ITCH: variants seen among roughly 807,000 people sequenced by gnomAD.
The protein encoded by ITCH is E3 ubiquitin-protein ligase Itchy homolog.
ITCH carries 28 observed loss-of-function variants against 126.8 expected under a neutral mutation model. The ratio of observed to expected loss-of-function variants is 0.22; its 90% CI spans 0.16 to 0.30. ITCH has a LOEUF of 0.30. Ranked by LOEUF, ITCH falls within the 10% of genes least tolerant of loss-of-function variation. The probability of loss-of-function intolerance (pLI) is 1.00; values close to 1 mark genes in which losing one functional copy is unlikely to be tolerated. For missense variants in ITCH, 631 were observed against 1,032.4 expected, an observed-to-expected ratio of 0.61 and a Z score of 5.33; for synonymous variants, 342 against 340.0, an observed-to-expected ratio of 1.01 and a Z score of -0.06.
Position 34,376,217 on chromosome 20 carries a change from C to T in ITCH, c.-22+6747C>T, listed in dbSNP as rs556954492. Among the ~76,000 whole-genome samples, 21 of 151,998 alleles carry T rather than the reference C, an allele frequency of 1.4e-4. No individual in the cohort carries two copies. The South Asian group carries it at 1.7e-3, about 12-fold the overall frequency. On this transcript the variant is annotated intron_variant, in intron 2 of 24. Transcript: ENST00000374864. ...CCTCTGAGAAGAAAGTTCTTACCCA[C>T]GTAAAGATTTAACCAGCCTCGGCAG... is the stretch of plus-strand genomic sequence containing the variant.
At chr20:34,443,827 GAA>G (rs1359765864) in intron 10 of ITCH, among the ~76,000 whole-genome samples, 1 of 151,896 alleles carries the variant, frequency 6.6e-6, no homozygotes, top group East Asian at 1.9e-4. Flanking sequence ...ACTATAGAAA[GAA>G]AAAGAAATTA....
chr20:34,423,150 C>A (rs145748471), intron 6 of ITCH, among the ~76,000 whole-genome samples: 4 of 152,280 alleles, frequency 2.6e-5, no homozygotes. Flanking sequence ...TAAATGGAAT[C>A]ATAAAATATC....
intron 2 of ITCH, chr20:34,384,412 C>G (rs1363271782): frequency 6.6e-6 from 1 of 151,362 alleles, no homozygotes; most frequent in Non-Finnish European, 1.5e-5. Flanking sequence ...TCCTGAGTAA[C>G]TGGGATTACA....
chr20:34,391,175 G>A (rs1042555559), intron 2 of ITCH, among the ~76,000 whole-genome samples: 2 of 152,130 alleles, frequency 1.3e-5, no homozygotes, highest in Non-Finnish European at 2.9e-5. Flanking sequence ...GTTTTATGCT[G>A]TTTTTAAAAT....
chr20:34,453,997 T>C (rs1051693469), intron 12 of ITCH, among the ~76,000 whole-genome samples: 5 of 151,628 alleles, frequency 3.3e-5, no homozygotes, highest in Non-Finnish European at 5.9e-5. Context: ...AGGCTCCGTC[T>C]CAAAAAAGAA....
At chr20:34,408,906 T>A in intron 4 of ITCH, 114 bp downstream of exon 4, 1 of 1,058,400 alleles carries the variant, frequency 9.4e-7, no homozygotes, top group Non-Finnish European at 1.4e-6. Flanking sequence ...CTCCTTTCTC[T>A]CTTCTTTTTT....
chr20:34,458,765 T>C (rs1447264074), intron 13 of ITCH, among the ~76,000 whole-genome samples: 1 of 152,204 alleles, frequency 6.6e-6, no homozygotes, highest in Admixed American at 6.5e-5. Context: ...TGTACCCAAA[T>C]TTCCTGTTTA....
chr20:34,440,367 A>T, intron 9 of ITCH, 23 bp downstream of exon 9: 1 of 1,559,122 alleles, frequency 6.4e-7, no homozygotes, highest in Non-Finnish European at 8.9e-7. Flanking sequence ...TTAAATTAAC[A>T]TATGTTGTCT....
chr20:34,385,234 T>TTC (rs2038239944), intron 2 of ITCH, among the ~76,000 whole-genome samples: 1 of 147,248 alleles, frequency 6.8e-6, no homozygotes, highest in Non-Finnish European at 1.5e-5. Flanking sequence ...TTTTTTTTTT[T>TTC]TTTTTTTTAG....
chr20:34,492,440 T>C lies in ITCH; in HGVS notation c.2320-61T>C. On this transcript the variant is annotated intron_variant, in intron 22 of 24. Coordinates refer to ENST00000374864, the MANE Select transcript of ITCH (RefSeq NM_031483.7). ...GATTTGAAATCATTATTTTTCTTTC[T>C]TGTTTAGTGTGCTGAATGTAACATA... 3.8e-6 allele frequency: 4 copies of C among 1,048,478 alleles called. No homozygotes were observed. The Admixed American group carries it at 5.3e-5, about 14-fold the overall frequency. 64.9% of individuals were successfully genotyped at this position (1,048,478 alleles called of 1,614,324 possible).
intron 3 of ITCH, among the ~76,000 whole-genome samples, chr20:34,404,322 A>G (rs1369895982): frequency 1.3e-5 from 2 of 151,844 alleles, no homozygotes; most frequent in Non-Finnish European, 2.9e-5. Flanking sequence ...TGTTCAATCT[A>G]GACTTTGAGA....
intron 2 of ITCH, among the ~76,000 whole-genome samples, chr20:34,392,867 C>A (rs1005010483): frequency 1.5e-4 from 23 of 152,120 alleles, no homozygotes; most frequent in Non-Finnish European, 2.8e-4. Flanking sequence ...GCAGAAGGAC[C>A]CCCCCAGCCC....
intron 16 of ITCH, among the ~76,000 whole-genome samples, chr20:34,475,286 T>C (rs1380499250): frequency 2.6e-5 from 4 of 152,058 alleles, no homozygotes; most frequent in African/African-American, 9.7e-5. Flanking sequence ...CTCGGCACTT[T>C]GGGAGGCCAA....
intron 17 of ITCH, among the ~76,000 whole-genome samples, chr20:34,479,095 G>A (rs1988495909): frequency 6.6e-6 from 1 of 152,078 alleles, no homozygotes; most frequent in Admixed American, 6.5e-5. Flanking sequence ...TATGTGAGTG[G>A]CTGGAATTAA....
chr20:34,487,580 A>C (rs1255231833), intron 20 of ITCH, among the ~76,000 whole-genome samples: 1 of 152,070 alleles, frequency 6.6e-6, no homozygotes, highest in Non-Finnish European at 1.5e-5. Flanking sequence ...TGGCAACTCT[A>C]ATGATTATGA....
chr20:34,487,654 A>G (rs1487521384), intron 20 of ITCH, among the ~76,000 whole-genome samples: 6 of 152,074 alleles, frequency 3.9e-5, no homozygotes, highest in Non-Finnish European at 7.4e-5. Context: ...TAAGAAGCTC[A>G]TAGGCCAGGT....
intron 23 of ITCH, among the ~76,000 whole-genome samples, chr20:34,497,657 C>T (rs1989976701): frequency 6.6e-6 from 1 of 152,156 alleles, no homozygotes; most frequent in African/African-American, 2.4e-5. Context: ...CAGTTCACTG[C>T]AACCTCTGCC....
rs756003451 is a variant in ITCH, at chr20:34,481,099, G to A, written c.1986G>A (p.Met662Ile). ...ATATTGAGGAATGTGATTTGGAAAT[G>A]TACTTCTCCGTTGACAAAGAAATTC... is the stretch of plus-strand genomic sequence containing the variant. ...ENNIEECDLEMYFSVDKEILG... is the reference protein window; with the variant it reads ...ENNIEECDLEIYFSVDKEILG... The change falls in exon 20 of 25, where the codon ATG (methionine) becomes ATA (isoleucine). Residue 662 changes from methionine (M) to isoleucine (I), a missense_variant. Met to Ile is a conservative substitution (Grantham distance 10, BLOSUM62 1). Coordinates refer to ENST00000374864, the MANE Select transcript of ITCH (RefSeq NM_031483.7). 1 of 1,613,532 alleles carries A rather than the reference G, an allele frequency of 6.2e-7. No homozygotes were observed. The highest frequency in any genetic ancestry group is 1.1e-5 in the South Asian group (1 of 91,082).
At chr20:34,478,802 T>C (rs1568987966) in intron 17 of ITCH, among the ~76,000 whole-genome samples, 1 of 152,100 alleles carries the variant, frequency 6.6e-6, no homozygotes, top group South Asian at 2.1e-4. Flanking sequence ...AAATAACAAA[T>C]ATGAGTAGAA....
Sources: allele counts gnomAD v4.1 joint callset (sites outside exome capture counted in the v4.1 genomes callset), GRCh38; gene constraint gnomAD v4.1.1; transcripts MANE v1.5; gene names NCBI Gene and HGNC (gene_info 2026-07-23, HGNC 2026-07-21).